The following RNASEH2B variants were observed in gnomAD, a reference collection of about 807,000 sequenced individuals.
RNASEH2B encodes the protein Aicardi-Goutieres syndrome 2 protein.
A neutral mutation model predicts 45.0 loss-of-function variants in RNASEH2B; 36 were observed. That is an observed-to-expected ratio of 0.80 (90% CI 0.61 to 1.06). RNASEH2B has a LOEUF of 1.06. Ranked by LOEUF, RNASEH2B falls within the 50% of genes least tolerant of loss-of-function variation. The probability of loss-of-function intolerance (pLI) is 0.00; values close to 1 mark genes in which losing one functional copy is unlikely to be tolerated. For missense variants in RNASEH2B, 361 were observed against 360.3 expected (o/e 1.00, Z -0.02); for synonymous variants, 119 against 125.7 (o/e 0.95, Z 0.35).
Position 50,927,343 on chromosome 13 carries a change from A to T in RNASEH2B, c.65-64A>T, listed in dbSNP as rs1951611395. The T allele has an allele frequency of 1.1e-5, 11 of 959,984 alleles. 2 individuals carry two copies. The South Asian group carries it at 1.4e-4, about 12-fold the overall frequency. 59.5% of individuals were successfully genotyped at this position (959,984 alleles called of 1,614,324 possible). A position where few individuals can be genotyped will look rare whatever the true frequency, so the allele number is the denominator to read the frequency against. Reference sequence around the variant, plus strand: ...TAAGTAGAAGAAAGGAAAACAGGGTAAAGTAAGGTGAGCAACAAAACAGCT... The same window carrying T: ...TAAGTAGAAGAAAGGAAAACAGGGTTAAGTAAGGTGAGCAACAAAACAGCT... On this transcript the variant is annotated intron_variant, in intron 1 of 10. Transcript: ENST00000336617.
intron 1 of RNASEH2B, among the ~76,000 whole-genome samples, chr13:50,919,960 T>G (rs1951496784): frequency 1.3e-5 from 2 of 152,240 alleles, no homozygotes; most frequent in Admixed American, 6.5e-5. Context: ...TTCTTTAAAG[T>G]ACAGATGTCA....
chr13:50,954,340 T>G (rs1159658818), intron 10 of RNASEH2B: 3 of 468,334 alleles, frequency 6.4e-6, no homozygotes, highest in African/African-American at 5.9e-5. Context: ...ATTAATAATT[T>G]CACCATTCAG....
intron 7 of RNASEH2B, among the ~76,000 whole-genome samples, chr13:50,947,546 C>T (rs1400069131): frequency 6.6e-6 from 1 of 151,404 alleles, no homozygotes; most frequent in Non-Finnish European, 1.5e-5. Context: ...TAAATGAGTA[C>T]ACTCATTACT....
At chr13:50,953,599 C>A in intron 9 of RNASEH2B, 1 of 410,208 alleles carries the variant, frequency 2.4e-6, no homozygotes, top group Non-Finnish European at 4.4e-6. Context: ...ATTAGCAATC[C>A]CCTCATGCCC....
intron 1 of RNASEH2B, among the ~76,000 whole-genome samples, chr13:50,925,560 G>A (rs140644404): frequency 2.2e-3 from 342 of 152,210 alleles, no homozygotes; most frequent in African/African-American, 7.2e-3. Context: ...AAATAGTTAG[G>A]GCTGACTCTT....
chr13:50,950,175 A>G (rs1951958489), intron 9 of RNASEH2B: 1 of 152,286 alleles, frequency 6.6e-6, no homozygotes, highest in Non-Finnish European at 1.5e-5. Flanking sequence ...GCTCCAAGAC[A>G]GGGAAATAAA....
At chr13:50,969,964 ATGG>A (rs766811359) in exon 10 of RNASEH2B, 28 of 1,551,504 alleles carry the variant, frequency 1.8e-5, no homozygotes, top group Non-Finnish European at 2.2e-5. Flanking sequence ...GGGGCAAGTG[ATGG>A]TGGTGGCTCC....
chr13:50,948,930 C>G (rs73186381), intron 8 of RNASEH2B: 10,353 of 153,170 alleles, frequency 0.068, 360 homozygotes, highest in Middle Eastern at 0.2. Flanking sequence ...CCCCAGATTT[C>G]TATGCTGCTT....
At chr13:50,922,767 A>T (rs928189003) in intron 1 of RNASEH2B, among the ~76,000 whole-genome samples, 1 of 152,206 alleles carries the variant, frequency 6.6e-6, no homozygotes, top group African/African-American at 2.4e-5. Flanking sequence ...AACAAAAAGC[A>T]TGAGACATAC....
intron 8 of RNASEH2B, chr13:50,948,310 T>C (rs919488811): frequency 1.9e-6 from 1 of 520,872 alleles, no homozygotes; most frequent in Non-Finnish European, 3.1e-6. Context: ...GGTCTGATTT[T>C]AGAGGATTAA....
intron 5 of RNASEH2B, chr13:50,942,143 A>G (rs1458652803): frequency 6.6e-6 from 1 of 152,224 alleles, no homozygotes; most frequent in Non-Finnish European, 1.5e-5. Context: ...ATAAAGATAA[A>G]TCCTGCATGG....
exon 10 of RNASEH2B, chr13:50,970,249 C>G: frequency 1.8e-6 from 1 of 548,358 alleles, no homozygotes; most frequent in Non-Finnish European, 3.2e-6. Context: ...TGGGTCAGGC[C>G]AGCATGTTTT....
intron 1 of RNASEH2B, among the ~76,000 whole-genome samples, chr13:50,922,012 C>T (rs1951530175): frequency 6.6e-6 from 1 of 152,204 alleles, no homozygotes; most frequent in Non-Finnish European, 1.5e-5. Context: ...CTCAAGAAGT[C>T]CCATTCCCAG....
In RNASEH2B at chr13:50,932,182, C is replaced by G. The variant is rs532984754; in HGVS notation, c.321+1423C>G. ...TTCATATTCTGCCTAATACCGGGGT[C>G]TGAATCACCGTAATTCATAGTGGGT... On this transcript the variant is annotated intron_variant, in intron 4 of 10. Transcript: ENST00000336617. Among the ~76,000 whole-genome samples the G allele has an allele frequency of 2.6e-5, 4 of 152,278 alleles. No individual in the cohort carries two copies. In the South Asian group the frequency reaches 8.3e-4, roughly 32 times the overall value.
chr13:50,910,179 A>C, intron 1 of RNASEH2B, 39 bp downstream of exon 1: 1 of 1,365,828 alleles, frequency 7.3e-7, no homozygotes. Context: ...CGGCCCAAGA[A>C]CTGGCGGAGC....
At position 50,929,349 on chromosome 13, in the gene RNASEH2B, G is replaced by C. The variant is rs1951646092; in HGVS notation, c.137-126G>C. On this transcript the variant is annotated intron_variant, in intron 2 of 10. Coordinates refer to ENST00000336617, the MANE Select transcript of RNASEH2B (RefSeq NM_024570.4). ...TCCTTGGAATCAGTTTTTTAGAATA[G>C]ACCTGTGTATGTTTATGTTCATATT... is the stretch of plus-strand genomic sequence containing the variant. 5.7e-6 allele frequency: 4 copies of C among 698,622 alleles called. No homozygotes were observed. The Admixed American group carries it at 6.2e-5, about 11-fold the overall frequency. 43.3% of individuals were successfully genotyped at this position (698,622 alleles called of 1,614,324 possible). A position where few individuals can be genotyped will look rare whatever the true frequency, so the allele number is the denominator to read the frequency against.
intron 2 of RNASEH2B, 52 bp from the exon 3 acceptor site, chr13:50,929,422 GT>G: frequency 9.2e-7 from 1 of 1,081,296 alleles, no homozygotes; most frequent in East Asian, 2.4e-5. Context: ...GTGTGTGTGT[GT>G]TTGTGTGTGT....
chr13:50,967,304 G>A (rs903845543), intron 9 of RNASEH2B, among the ~76,000 whole-genome samples: 1 of 152,222 alleles, frequency 6.6e-6, no homozygotes, highest in Non-Finnish European at 1.5e-5. Flanking sequence ...GTTTTGGGGT[G>A]CCCATGATAT....
chr13:50,959,544 T>G (rs913843495), downstream of RNASEH2B: 4 of 152,260 alleles, frequency 2.6e-5, no homozygotes, highest in African/African-American at 9.7e-5. Flanking sequence ...ACCTCCGCCT[T>G]CAGGGTTCAA....
Sources: allele counts gnomAD v4.1 joint callset (sites outside exome capture counted in the v4.1 genomes callset), GRCh38; gene constraint gnomAD v4.1.1; transcripts MANE v1.5; gene names NCBI Gene and HGNC (gene_info 2026-07-23, HGNC 2026-07-21).